ADGRL3: variants seen among roughly 807,000 people sequenced by gnomAD.
ADGRL3 encodes calcium-independent alpha-latrotoxin receptor 3.
In ADGRL3, 62 loss-of-function variants were observed where a neutral mutation model predicts 153.5. That is an observed-to-expected ratio of 0.40 (90% CI 0.33 to 0.50). ADGRL3 has a LOEUF of 0.50. ADGRL3 is among the 20% of genes least tolerant of loss of function. The pLI is 0.47. For synonymous variants in ADGRL3, 710 were observed against 672.5 expected (o/e 1.06, Z -0.86); for missense variants, 1,641 against 1,859.4 (o/e 0.88, Z 2.16).
chr4:61,259,067 C>T (rs2092276325), intron 1 of ADGRL3, among the ~76,000 whole-genome samples: 1 of 152,160 alleles, frequency 6.6e-6, no homozygotes, highest in South Asian at 2.1e-4. Flanking sequence ...AAAACGAATT[C>T]ATGATATATG....
At chr4:61,712,443 A>C (rs1335370250) in intron 6 of ADGRL3, among the ~76,000 whole-genome samples, 1 of 152,130 alleles carries the variant, frequency 6.6e-6, no homozygotes, top group African/African-American at 2.4e-5. Flanking sequence ...ACAAATGTGA[A>C]TTGAAATCCT....
At chr4:61,813,371 G>A (rs1237552313) in intron 8 of ADGRL3, among the ~76,000 whole-genome samples, 2 of 152,036 alleles carry the variant, frequency 1.3e-5, no homozygotes, top group Non-Finnish European at 2.9e-5. Flanking sequence ...TGCAGCCTGG[G>A]CAATGAGCAA....
At chr4:61,499,741 T>A (rs1413134161) in intron 3 of ADGRL3, among the ~76,000 whole-genome samples, 1 of 152,112 alleles carries the variant, frequency 6.6e-6, no homozygotes, top group African/African-American at 2.4e-5. Context: ...AATACCTACA[T>A]ATATATTTAC....
intron 2 of ADGRL3, among the ~76,000 whole-genome samples, chr4:61,478,925 C>A (rs2098099086): frequency 6.6e-6 from 1 of 151,900 alleles, no homozygotes; most frequent in Non-Finnish European, 1.5e-5. Context: ...TAGAGATATA[C>A]CCTAAAAAAC....
intron 1 of ADGRL3, among the ~76,000 whole-genome samples, chr4:61,282,840 A>C (rs1258523348): frequency 6.6e-6 from 1 of 152,102 alleles, no homozygotes; most frequent in Admixed American, 6.6e-5. Context: ...AATGGAAATT[A>C]AATAAATTTC....
chr4:61,459,395 A>G (rs1474940204), intron 2 of ADGRL3, among the ~76,000 whole-genome samples: 1 of 152,012 alleles, frequency 6.6e-6, no homozygotes, highest in Non-Finnish European at 1.5e-5. Context: ...AGAATCTTCT[A>G]TGTAAGATAT....
At chr4:61,363,647 G>T (rs1234123955) in intron 1 of ADGRL3, among the ~76,000 whole-genome samples, 2 of 152,050 alleles carry the variant, frequency 1.3e-5, no homozygotes, top group Admixed American at 6.6e-5. Flanking sequence ...TATAAATTAG[G>T]ATTTCAAAAA....
intron 15 of ADGRL3, among the ~76,000 whole-genome samples, chr4:61,941,260 C>T (rs1264102477): frequency 7.5e-6 from 1 of 132,598 alleles, no homozygotes; most frequent in Admixed American, 8.2e-5. Context: ...GGTGTTATTT[C>T]TGAGGGCTGT....
intron 3 of ADGRL3, among the ~76,000 whole-genome samples, chr4:61,499,836 G>T (rs2098364348): frequency 6.6e-6 from 1 of 152,110 alleles, no homozygotes; most frequent in South Asian, 2.1e-4. Flanking sequence ...AACAGACATT[G>T]TAAGAAAGAT....
intron 3 of ADGRL3, among the ~76,000 whole-genome samples, chr4:61,499,749 T>C (rs182706516): frequency 7.1e-4 from 108 of 152,236 alleles, no homozygotes; most frequent in Non-Finnish European, 1.0e-3. Context: ...CATATATATT[T>C]ACACACACAC....
chr4:61,832,052 A>C (rs569298009), intron 9 of ADGRL3, among the ~76,000 whole-genome samples: 1 of 152,236 alleles, frequency 6.6e-6, no homozygotes, highest in East Asian at 1.9e-4. Context: ...AGGCCAAGGG[A>C]AAGCATTCTT....
intron 4 of ADGRL3, among the ~76,000 whole-genome samples, chr4:61,544,639 G>C (rs1232303650): frequency 1.3e-5 from 2 of 151,928 alleles, no homozygotes; most frequent in African/African-American, 2.4e-5. Context: ...AAATATTTTA[G>C]TTTTCACATT....
intron 8 of ADGRL3, among the ~76,000 whole-genome samples, chr4:61,812,950 A>G (rs1486611703): frequency 6.6e-6 from 1 of 152,210 alleles, no homozygotes; most frequent in Non-Finnish European, 1.5e-5. Flanking sequence ...AGTGGAGGTG[A>G]ATCTTAAAGG....
intron 1 of ADGRL3, among the ~76,000 whole-genome samples, chr4:61,339,520 A>G (rs1688817954): frequency 6.6e-6 from 1 of 152,190 alleles, no homozygotes; most frequent in African/African-American, 2.4e-5. Flanking sequence ...TGTACTTGCA[A>G]ATATTAAATT....
chr4:61,494,454 C>G (rs1242432834), intron 2 of ADGRL3, among the ~76,000 whole-genome samples: 4 of 152,070 alleles, frequency 2.6e-5, no homozygotes, highest in Non-Finnish European at 5.9e-5. Flanking sequence ...ATTGTCTGTC[C>G]ACTTCAATAT....
chr4:61,498,655 A>C (rs1475555101), intron 3 of ADGRL3, among the ~76,000 whole-genome samples: 1 of 152,202 alleles, frequency 6.6e-6, no homozygotes, highest in Non-Finnish European at 1.5e-5. Flanking sequence ...CTTAATAGAC[A>C]TGTATACTTA....
At chr4:61,851,206 T>C (rs1049975016) in intron 9 of ADGRL3, among the ~76,000 whole-genome samples, 1 of 152,172 alleles carries the variant, frequency 6.6e-6, no homozygotes, top group Non-Finnish European at 1.5e-5. Flanking sequence ...AGATCTTCAG[T>C]AGTAACATAA....
chr4:61,383,682 A>T (rs1200400513), intron 2 of ADGRL3, among the ~76,000 whole-genome samples: 1 of 151,854 alleles, frequency 6.6e-6, no homozygotes, highest in South Asian at 2.1e-4. Flanking sequence ...GTAATAAAAT[A>T]TATTCTTTTG....
chr4:61,923,146 GAAGGCTATGGAAAAAACT>G (rs2098777995), intron 13 of ADGRL3, among the ~76,000 whole-genome samples: 1 of 152,194 alleles, frequency 6.6e-6, no homozygotes, highest in Non-Finnish European at 1.5e-5. Flanking sequence ...GGTTGAGGGA[GAAGGCTATGGAAAAAACT>G]CAAGAGTCTG....
Sources: gnomAD v4.1 joint callset for allele counts (sites outside exome capture counted in the v4.1 genomes callset) on GRCh38, gnomAD v4.1.1 for gene constraint, MANE v1.5 for transcripts, NCBI Gene and HGNC (gene_info 2026-07-23, HGNC 2026-07-21) for gene names.